Variants in SLC49A4 observed in about 807,000 individuals in gnomAD.
The protein encoded by SLC49A4 is solute carrier family 49 member 4, also known as disrupted in renal cancer protein 2.
SLC49A4 carries 36 observed loss-of-function variants against 50.6 expected under a neutral mutation model. That is an observed-to-expected ratio of 0.71 (90% CI 0.55 to 0.94). SLC49A4 has a LOEUF of 0.94. Among genes scored for constraint, SLC49A4 ranks in the 40% least tolerant of loss-of-function variants. The pLI is 0.00. For synonymous variants in SLC49A4, 248 were observed against 241.2 expected, an observed-to-expected ratio of 1.03 and a Z score of -0.26; for missense variants, 503 against 605.7, an observed-to-expected ratio of 0.83 and a Z score of 1.78.
intron 4 of SLC49A4, among the ~76,000 whole-genome samples, chr3:122,841,453 G>T (rs1253500016): frequency 6.6e-6 from 1 of 152,166 alleles, no homozygotes; most frequent in Non-Finnish European, 1.5e-5. Flanking sequence ...GATGGATGAT[G>T]ATACTAGAGA....
At chr3:122,858,191 C>A (rs1390304004) in intron 6 of SLC49A4, among the ~76,000 whole-genome samples, 1 of 152,184 alleles carries the variant, frequency 6.6e-6, no homozygotes, top group African/African-American at 2.4e-5. Flanking sequence ...TAATACACTT[C>A]AATGGTATCA....
intron 4 of SLC49A4, among the ~76,000 whole-genome samples, chr3:122,842,451 A>C (rs1166166961): frequency 1.6e-5 from 2 of 124,414 alleles, no homozygotes; most frequent in African/African-American, 6.2e-5. Flanking sequence ...GCGCCACTGC[A>C]CTCCAGCCTG....
chr3:122,795,072 C>G lies in SLC49A4; in HGVS notation c.-121C>G, dbSNP rs935685232. Reference sequence around the variant, plus strand: ...GCCGCGCAGGCGCACCAGGCGCGGTCCGGAGGCCGAGGGCGACCACAGCAG... The same window carrying G: ...GCCGCGCAGGCGCACCAGGCGCGGTGCGGAGGCCGAGGGCGACCACAGCAG... On this transcript the variant is annotated 5_prime_UTR_variant, in exon 1 of 9. Transcript: ENST00000261038. 1 of 1,165,818 alleles carries G rather than the reference C, an allele frequency of 8.6e-7. No individual in the cohort carries two copies. The highest frequency in any genetic ancestry group is 1.1e-6 in the Non-Finnish European group (1 of 932,020). 72.2% of individuals were successfully genotyped at this position (1,165,818 alleles called of 1,614,324 possible).
chr3:122,845,984 A>G, intron 5 of SLC49A4, 113 bp downstream of exon 5: 4 of 566,146 alleles, frequency 7.1e-6, no homozygotes, highest in Non-Finnish European at 1.1e-5. Flanking sequence ...ATCGTCCTAT[A>G]CCATTGTTGC....
intron 2 of SLC49A4, among the ~76,000 whole-genome samples, chr3:122,819,823 C>CT (rs1205760576): frequency 1.9e-4 from 29 of 151,112 alleles, no homozygotes; most frequent in African/African-American, 6.3e-4. Flanking sequence ...AAACACATGA[C>CT]TTTTTTTTAA....
At chr3:122,805,699 G>A (rs1390739362) in intron 1 of SLC49A4, among the ~76,000 whole-genome samples, 1 of 152,154 alleles carries the variant, frequency 6.6e-6, no homozygotes, top group Non-Finnish European at 1.5e-5. Context: ...TATTAACAGA[G>A]GCGTAGCATT....
intron 5 of SLC49A4, among the ~76,000 whole-genome samples, chr3:122,849,665 A>C (rs1354560418): frequency 6.6e-6 from 1 of 151,728 alleles, no homozygotes; most frequent in Admixed American, 6.6e-5. Flanking sequence ...CTTATTTTTT[A>C]ATTGGATTGG....
chr3:122,801,749 G>A (rs1936136987), intron 1 of SLC49A4, among the ~76,000 whole-genome samples: 1 of 152,168 alleles, frequency 6.6e-6, no homozygotes, highest in African/African-American at 2.4e-5. Flanking sequence ...CATACTGAAA[G>A]GATCATCTAG....
At chr3:122,813,667 C>T (rs546026254) in intron 2 of SLC49A4, among the ~76,000 whole-genome samples, 13 of 152,112 alleles carry the variant, frequency 8.5e-5, no homozygotes, top group African/African-American at 2.9e-4. Context: ...ATTTCTTTTC[C>T]GCTTAATACC....
chr3:122,830,897 T>C (rs924737869), intron 3 of SLC49A4, among the ~76,000 whole-genome samples: 3 of 152,286 alleles, frequency 2.0e-5, no homozygotes, highest in East Asian at 1.9e-4. Context: ...AAGGGACTTA[T>C]ATTCAGATTA....
chr3:122,820,005 G>A (rs920304569), intron 2 of SLC49A4, among the ~76,000 whole-genome samples: 7 of 152,130 alleles, frequency 4.6e-5, no homozygotes, highest in Admixed American at 2.0e-4. Flanking sequence ...CTGAATACTA[G>A]AATAGCACTG....
chr3:122,833,282 T>C, intron 3 of SLC49A4, 35 bp from the exon 4 acceptor site: 1 of 1,598,524 alleles, frequency 6.3e-7, no homozygotes, highest in Non-Finnish European at 8.5e-7. Context: ...TTTTTGTGTT[T>C]CCTGGTTAAC....
At chr3:122,822,812 T>C (rs753932164) in intron 2 of SLC49A4, among the ~76,000 whole-genome samples, 1 of 152,260 alleles carries the variant, frequency 6.6e-6, no homozygotes, top group African/African-American at 2.4e-5. Flanking sequence ...CTACAACTTA[T>C]ATTTCTCAGC....
At chr3:122,830,152 A>AG (rs1936588845) in intron 3 of SLC49A4, among the ~76,000 whole-genome samples, 1 of 152,246 alleles carries the variant, frequency 6.6e-6, no homozygotes, top group Non-Finnish European at 1.5e-5. Flanking sequence ...TCTGAAGACT[A>AG]CCACTGTTGA....
At chr3:122,803,255 A>T (rs1936159227) in intron 1 of SLC49A4, among the ~76,000 whole-genome samples, 1 of 152,170 alleles carries the variant, frequency 6.6e-6, no homozygotes, top group African/African-American at 2.4e-5. Context: ...TGGAAGTGGC[A>T]GGGAAAGCAA....
intron 6 of SLC49A4, among the ~76,000 whole-genome samples, chr3:122,858,295 C>T (rs1937014234): frequency 6.6e-6 from 1 of 152,184 alleles, no homozygotes; most frequent in Non-Finnish European, 1.5e-5. Flanking sequence ...TCTTGCAATT[C>T]AACTCTGATT....
At chr3:122,826,525 GAA>G (rs1357601463) in intron 2 of SLC49A4, among the ~76,000 whole-genome samples, 1 of 152,086 alleles carries the variant, frequency 6.6e-6, no homozygotes, top group Non-Finnish European at 1.5e-5. Flanking sequence ...GTACTTACAG[GAA>G]GTACTTAGTT....
intron 2 of SLC49A4, among the ~76,000 whole-genome samples, chr3:122,810,399 A>C (rs77465373): frequency 0.051 from 7,732 of 152,264 alleles, 269 homozygotes; most frequent in Middle Eastern, 0.11. Flanking sequence ...ATAATACCCC[A>C]AAAAAATTGT....
intron 2 of SLC49A4, among the ~76,000 whole-genome samples, chr3:122,820,786 T>C (rs1344350614): frequency 6.6e-6 from 1 of 152,238 alleles, no homozygotes. Flanking sequence ...GGTCCTCTCC[T>C]ATTCCTGCCA....
Sources: allele counts gnomAD v4.1 joint callset (sites outside exome capture counted in the v4.1 genomes callset), GRCh38; gene constraint gnomAD v4.1.1; transcripts MANE v1.5; gene names NCBI Gene and HGNC (gene_info 2026-07-23, HGNC 2026-07-21).